The following STX8 variants were observed in gnomAD, a reference collection of about 807,000 sequenced individuals.
STX8 encodes the protein syntaxin-8.
In STX8, 23 loss-of-function variants were observed where a neutral mutation model predicts 37.5. The ratio of observed to expected loss-of-function variants is 0.61; its 90% CI spans 0.44 to 0.87. The LOEUF is 0.87. STX8 is among the 40% of genes least tolerant of loss of function. The pLI, the probability that STX8 is intolerant of heterozygous loss-of-function variation, is 0.00. For synonymous variants in STX8, 115 were observed against 99.1 expected, an observed-to-expected ratio of 1.16 and a Z score of -0.95; for missense variants, 313 against 284.7, an observed-to-expected ratio of 1.10 and a Z score of -0.71.
At chr17:9,323,704 CG>C (rs1909652164) in intron 7 of STX8, among the ~76,000 whole-genome samples, 1 of 152,086 alleles carries the variant, frequency 6.6e-6, no homozygotes, top group African/African-American at 2.4e-5. Context: ...AGGGAGATTG[CG>C]TTACTCCAGA....
intron 7 of STX8, among the ~76,000 whole-genome samples, chr17:9,363,051 C>T (rs930944068): frequency 1.3e-5 from 2 of 152,250 alleles, no homozygotes; most frequent in South Asian, 4.1e-4. Context: ...ATTCCCCTAG[C>T]TCATAACTGA....
intron 4 of STX8, among the ~76,000 whole-genome samples, chr17:9,529,995 A>G (rs1386445858): frequency 6.6e-6 from 1 of 152,074 alleles, no homozygotes; most frequent in African/African-American, 2.4e-5. Context: ...TGTCTCTAAA[A>G]AACAAAACAA....
At chr17:9,458,658 C>T (rs766513592) in intron 6 of STX8, among the ~76,000 whole-genome samples, 22 of 152,162 alleles carry the variant, frequency 1.4e-4, no homozygotes, top group Non-Finnish European at 3.2e-4. Flanking sequence ...ATCCAGCACT[C>T]CCAATGCAAT....
intron 4 of STX8, among the ~76,000 whole-genome samples, chr17:9,526,370 G>A (rs2142534020): frequency 6.6e-6 from 1 of 152,184 alleles, no homozygotes; most frequent in South Asian, 2.1e-4. Context: ...GGAGCGTTGA[G>A]GCCTAAGACC....
chr17:9,499,991 T>A (rs1236250467), intron 5 of STX8, among the ~76,000 whole-genome samples: 1 of 152,126 alleles, frequency 6.6e-6, no homozygotes, highest in Non-Finnish European at 1.5e-5. Flanking sequence ...AGAAAATGCA[T>A]GAGTATTAGC....
intron 6 of STX8, among the ~76,000 whole-genome samples, chr17:9,459,067 A>C (rs9900838): frequency 0.03 from 4,588 of 151,798 alleles, 232 homozygotes; most frequent in African/African-American, 0.1. Context: ...CTCCTGACCT[A>C]GTGATCCGCC....
At chr17:9,284,040 C>A (rs1395566410) in intron 7 of STX8, among the ~76,000 whole-genome samples, 1 of 152,164 alleles carries the variant, frequency 6.6e-6, no homozygotes, top group Non-Finnish European at 1.5e-5. Flanking sequence ...AACAATAAGA[C>A]TTTTCTGAGG....
intron 7 of STX8, among the ~76,000 whole-genome samples, chr17:9,344,037 A>G (rs192545740): frequency 9.2e-5 from 14 of 152,282 alleles, no homozygotes; most frequent in Admixed American, 7.9e-4. Context: ...AAAAAGTTAC[A>G]AAATATAACA....
intron 6 of STX8, among the ~76,000 whole-genome samples, chr17:9,464,312 A>G (rs553385573): frequency 1.3e-5 from 2 of 152,324 alleles, no homozygotes; most frequent in South Asian, 2.1e-4. Context: ...TGATCTTTCA[A>G]TTATGACATG....
intron 6 of STX8, among the ~76,000 whole-genome samples, chr17:9,446,195 G>A (rs1904846220): frequency 6.6e-6 from 1 of 152,102 alleles, no homozygotes; most frequent in Non-Finnish European, 1.5e-5. Flanking sequence ...AATTACATGG[G>A]GGCCAGGGAC....
chr17:9,436,304 C>T (rs1463829306), intron 6 of STX8, among the ~76,000 whole-genome samples: 1 of 150,332 alleles, frequency 6.7e-6, no homozygotes, highest in Non-Finnish European at 1.5e-5. Context: ...GAGATCGTGC[C>T]ACTGCGCTCC....
At chr17:9,339,618 C>A (rs9896652) in intron 7 of STX8, among the ~76,000 whole-genome samples, 122,596 of 151,964 alleles carry the variant, frequency 0.81, 50,386 homozygotes, top group East Asian at 0.91. Context: ...CGCGCCACTG[C>A]GCCACTGTAC....
chr17:9,554,355 G>A (rs1456154174), intron 3 of STX8: 2 of 152,102 alleles, frequency 1.3e-5, no homozygotes, highest in East Asian at 1.9e-4. Flanking sequence ...AGTGACTTTC[G>A]GTGTAAAGTT....
intron 7 of STX8, among the ~76,000 whole-genome samples, chr17:9,259,534 G>A (rs1490153248): frequency 1.3e-5 from 2 of 152,194 alleles, no homozygotes; most frequent in Admixed American, 1.3e-4. Context: ...GGTGATGAGG[G>A]CGTCCGGGAA....
rs189404614 is a variant in STX8 at position 9,461,939 on chromosome 17, A to G, written c.541+29890T>C. 2.2e-3 allele frequency among the ~76,000 whole-genome samples: 331 copies of G among 152,202 alleles called. 1 individual carries two copies. Among genetic ancestry groups the G allele is most frequent in the African/African-American group, 7.6e-3 (314 of 41,530 alleles). ...ATTTCCCTTGTATGTGCAGTTCACA[A>G]TAGGGTTCACGCTCCTATGAGAATC... On this transcript the variant is annotated intron_variant, in intron 6 of 7. Coordinates refer to ENST00000306357, the MANE Select transcript of STX8 (RefSeq NM_004853.3).
chr17:9,345,688 CAT>C (rs1910506906), intron 7 of STX8, among the ~76,000 whole-genome samples: 3 of 64,596 alleles, frequency 4.6e-5, no homozygotes, highest in Non-Finnish European at 7.2e-5. Flanking sequence ...CCTTATCTCA[CAT>C]ACTTTTTTTT....
At chr17:9,425,253 T>C (rs1264494512) in intron 6 of STX8, among the ~76,000 whole-genome samples, 1 of 152,194 alleles carries the variant, frequency 6.6e-6, no homozygotes, top group East Asian at 1.9e-4. Flanking sequence ...TTCTAGGTAG[T>C]CATCGTTCAA....
chr17:9,311,672 T>C lies in STX8; in HGVS notation c.644-61027A>G, dbSNP rs561269897. Among the ~76,000 whole-genome samples, 34 of 152,304 alleles carry C rather than the reference T, an allele frequency of 2.2e-4. No homozygotes were observed. The South Asian group carries it at 6.8e-3, about 31-fold the overall frequency. ...CAACCACTTACTAGCTGTGTGGCCT[T>C]GGGTAAATCACTGAACCTTTCTGTG... On this transcript the variant is annotated intron_variant, in intron 7 of 7. Coordinates refer to ENST00000306357, the MANE Select transcript of STX8 (RefSeq NM_004853.3).
chr17:9,446,053 G>A (rs1904841071), intron 6 of STX8, among the ~76,000 whole-genome samples: 1 of 152,018 alleles, frequency 6.6e-6, no homozygotes, highest in Non-Finnish European at 1.5e-5. Flanking sequence ...AGCCAGGATG[G>A]TCTCGATCTC....
Sources: allele counts gnomAD v4.1 joint callset (sites outside exome capture counted in the v4.1 genomes callset), GRCh38; gene constraint gnomAD v4.1.1; transcripts MANE v1.5; gene names NCBI Gene and HGNC (gene_info 2026-07-23, HGNC 2026-07-21).